CFAP58: variants seen among roughly 807,000 people sequenced by gnomAD.
CFAP58 encodes cilia- and flagella-associated protein 58.
In CFAP58, 88 loss-of-function variants were observed where a neutral mutation model predicts 119.5. That is an observed-to-expected ratio of 0.74 (90% CI 0.62 to 0.88). The LOEUF is 0.88. Ranked by LOEUF, CFAP58 falls within the 40% of genes least tolerant of loss-of-function variation. The pLI is 0.00. For synonymous variants in CFAP58, 365 were observed against 366.3 expected, an observed-to-expected ratio of 1.00 and a Z score of 0.04; for missense variants, 990 against 1,021.2, an observed-to-expected ratio of 0.97 and a Z score of 0.42.
At chr10:104,448,851 A>G (rs1341435890) in intron 16 of CFAP58, among the ~76,000 whole-genome samples, 1 of 152,256 alleles carries the variant, frequency 6.6e-6, no homozygotes, top group Non-Finnish European at 1.5e-5. Context: ...ATTTTGAACA[A>G]AACAAATTAT....
chr10:104,380,517 G>A (rs1464436138), intron 9 of CFAP58, among the ~76,000 whole-genome samples: 1 of 152,030 alleles, frequency 6.6e-6, no homozygotes, highest in African/African-American at 2.4e-5. Context: ...TCCCTGGGCT[G>A]GCACCAGGGC....
rs7087328 is a variant in CFAP58, at chr10:104,450,106, G to A, written c.2412G>A (p.Gln804=). The A allele has an allele frequency of 6.2e-7, 1 of 1,612,500 alleles. No homozygotes were observed. The highest frequency in any genetic ancestry group is 8.5e-7 in the Non-Finnish European group (1 of 1,179,270). ...LSSELNMYEV[Q]SKEYKYEVEK... ...CAGAATTGAATATGTATGAAGTACA[G>A]AGCAAAGAATATAAATATGAGGTAG... Residue 804 remains glutamine, a synonymous_variant, in exon 17 of 18, where the codon CAG becomes CAA. Transcript: ENST00000369704.
At chr10:104,404,641 G>T (rs563452334) in intron 14 of CFAP58, among the ~76,000 whole-genome samples, 1 of 151,768 alleles carries the variant, frequency 6.6e-6, no homozygotes, top group Non-Finnish European at 1.5e-5. Context: ...ATGGAGTCTC[G>T]CTCTGTCACC....
rs75426655 is a variant in CFAP58, at chr10:104,439,182, C to T, written c.2257-8516C>T. Among the ~76,000 whole-genome samples the T allele has an allele frequency of 0.014, 2,179 of 152,230 alleles. 81 individuals carry two copies. The East Asian group carries it at 0.15, about 10-fold the overall frequency. On this transcript the variant is annotated intron_variant, in intron 15 of 17. Transcript: ENST00000369704. ...CAGGGGTGGGTTGGGGAAGGGAGTA[C>T]GCAGTAGCTTCCTGGTAATGAGAAT...
intron 1 of CFAP58, among the ~76,000 whole-genome samples, chr10:104,357,998 C>CATATATAT (rs1235049964): frequency 1.5e-5 from 2 of 132,514 alleles, no homozygotes; most frequent in East Asian, 2.3e-4. Context: ...CATATATGTA[C>CATATATAT]ACATATATAC....
chr10:104,441,718 C>T, intron 15 of CFAP58, among the ~76,000 whole-genome samples: 1 of 152,184 alleles, frequency 6.6e-6, no homozygotes, highest in East Asian at 1.9e-4. Flanking sequence ...ACTTACTCAT[C>T]TACATCTAAA....
At chr10:104,391,265 GACATGGACCTGTTTCTTCAT>G (rs1247165493) in intron 9 of CFAP58, among the ~76,000 whole-genome samples, 1 of 152,116 alleles carries the variant, frequency 6.6e-6, no homozygotes, top group Non-Finnish European at 1.5e-5. Context: ...TGGGCCCAGA[GACATGGACCTGTTTCTTCAT>G]ACATGGACCT....
the CFAP58 span, among the ~76,000 whole-genome samples, chr10:104,344,500 T>C: frequency 5.3e-5 from 8 of 152,324 alleles, no homozygotes; most frequent in East Asian, 1.5e-3. Flanking sequence ...CACAGTTGAG[T>C]AGCTGCCACA....
In CFAP58 at chr10:104,438,347, TG is replaced by T. The variant is rs375523721; in HGVS notation, c.2257-9350del. On this transcript the variant is annotated intron_variant, in intron 15 of 17. Coordinates refer to ENST00000369704, the MANE Select transcript of CFAP58 (RefSeq NM_001008723.2). The stretch of plus-strand genomic sequence containing the variant: ...TATTGTTTTTTTGTTTTTTGTTTTT[TG>T]TTTTTTTTTTTTGTTTTTTTTTTTT... Among the ~76,000 whole-genome samples, 154 of 66,694 alleles carry T rather than the reference TG, an allele frequency of 2.3e-3. 8 individuals carry two copies. The highest frequency in any genetic ancestry group is 0.013 in the African/African-American group (135 of 10,784). 43.8% of individuals were successfully genotyped at this position (66,694 alleles called of 152,430 possible).
upstream of CFAP58, among the ~76,000 whole-genome samples, chr10:104,352,103 C>T (rs901708728): frequency 6.6e-6 from 1 of 152,176 alleles, no homozygotes; most frequent in Non-Finnish European, 1.5e-5. Context: ...ACACTACTTT[C>T]ATCATATTGA....
chr10:104,387,251 G>T (rs2011942813), intron 9 of CFAP58, among the ~76,000 whole-genome samples: 1 of 152,206 alleles, frequency 6.6e-6, no homozygotes, highest in South Asian at 2.1e-4. Context: ...GTTGACAGAG[G>T]TTCAGCTGAC....
At chr10:104,385,056 A>C (rs2011893713) in intron 9 of CFAP58, among the ~76,000 whole-genome samples, 1 of 152,166 alleles carries the variant, frequency 6.6e-6, no homozygotes, top group Non-Finnish European at 1.5e-5. Context: ...AATCTGCTAC[A>C]TCAACCCTGC....
intron 7 of CFAP58, 127 bp from the exon 8 acceptor site, chr10:104,376,684 A>G (rs1015227384): frequency 3.1e-6 from 2 of 646,656 alleles, no homozygotes; most frequent in Admixed American, 2.7e-5. Context: ...GGTCACATAC[A>G]CTTGGTTAAT....
chr10:104,360,262 A>T (rs1405242793), intron 2 of CFAP58, among the ~76,000 whole-genome samples: 3 of 152,254 alleles, frequency 2.0e-5, no homozygotes, highest in Non-Finnish European at 4.4e-5. Context: ...TGGTCACCAC[A>T]TTGCATTAAA....
rs778665302 is a variant in CFAP58, at chr10:104,392,220, C to T, written c.1366-13C>T. ...GCTATTTAACCACATTCATATATGT[C>T]TTTCTCCTCCAGGTCCTTATGAACA... On this transcript the variant is annotated splice_polypyrimidine_tract_variant and intron_variant, in intron 9 of 17. Coordinates refer to ENST00000369704, the MANE Select transcript of CFAP58 (RefSeq NM_001008723.2). The T allele has an allele frequency of 7.5e-6, 12 of 1,607,946 alleles. No homozygotes were observed. The highest frequency in any genetic ancestry group is 6.7e-5 in the East Asian group (3 of 44,672).
intron 2 of CFAP58, among the ~76,000 whole-genome samples, chr10:104,359,585 C>T (rs2014639762): frequency 1.3e-5 from 2 of 152,112 alleles, no homozygotes; most frequent in Admixed American, 6.5e-5. Context: ...GGTGGATCAC[C>T]TGAGGTCAGG....
chr10:104,414,701 G>A (rs2012519431), intron 15 of CFAP58, among the ~76,000 whole-genome samples: 1 of 151,888 alleles, frequency 6.6e-6, no homozygotes, highest in Non-Finnish European at 1.5e-5. Context: ...ACGGATTCTT[G>A]CTCTGTCACC....
the CFAP58 span, among the ~76,000 whole-genome samples, chr10:104,342,296 T>C: frequency 0.25 from 38,703 of 152,044 alleles, 5,075 homozygotes; most frequent in Middle Eastern, 0.3. Flanking sequence ...TTTAGTTTGC[T>C]TCTTTTATAG....
chr10:104,403,583 A>G (rs1386396677), intron 13 of CFAP58, 146 bp from the exon 14 acceptor site: 1 of 431,698 alleles, frequency 2.3e-6, no homozygotes, highest in African/African-American at 2.0e-5. Flanking sequence ...CTTGCCCAGA[A>G]TTAGGAGGCT....
Sources: gnomAD v4.1 joint callset for allele counts (sites outside exome capture counted in the v4.1 genomes callset) on GRCh38, gnomAD v4.1.1 for gene constraint, MANE v1.5 for transcripts, NCBI Gene and HGNC (gene_info 2026-07-23, HGNC 2026-07-21) for gene names.